UMAD1: variants seen among roughly 807,000 people sequenced by gnomAD.
The protein encoded by UMAD1 is UBAP1-MVB12-associated (UMA) domain containing 1, also known as UBAP1-MVB12-associated (UMA)-domain containing protein 1.
UMAD1 carries 8 observed loss-of-function variants against 6.1 expected under a neutral mutation model. The observed-to-expected ratio is 1.30, with a 90% confidence interval of 0.76 to 2.35. The LOEUF is 2.35. UMAD1 is among the 30% of genes most tolerant of loss of function. The pLI is 0.00. For missense variants in UMAD1, 130 were observed against 78.4 expected, an observed-to-expected ratio of 1.66 and a Z score of -2.49; for synonymous variants, 56 against 31.4, an observed-to-expected ratio of 1.78 and a Z score of -2.61.
At chr7:7,775,169 G>T (rs1227760949) in intron 2 of UMAD1, among the ~76,000 whole-genome samples, 1 of 152,142 alleles carries the variant, frequency 6.6e-6, no homozygotes, top group Admixed American at 6.5e-5. Flanking sequence ...TATGGCTTCT[G>T]TCTGTTCAAA....
intron 2 of UMAD1, among the ~76,000 whole-genome samples, chr7:7,724,711 C>G (rs559314173): frequency 1.3e-5 from 2 of 152,218 alleles, no homozygotes; most frequent in African/African-American, 4.8e-5. Flanking sequence ...ATTGCAGCTG[C>G]TATACCAGAT....
intron 3 of UMAD1, among the ~76,000 whole-genome samples, chr7:7,817,598 T>C (rs543650434): frequency 1.3e-5 from 2 of 152,348 alleles, no homozygotes; most frequent in Admixed American, 6.5e-5. Flanking sequence ...AGCTGAATGA[T>C]GATTCTAATT....
intron 3 of UMAD1, among the ~76,000 whole-genome samples, chr7:7,823,363 A>G (rs1486345750): frequency 6.6e-6 from 1 of 152,144 alleles, no homozygotes; most frequent in African/African-American, 2.4e-5. Flanking sequence ...ATTTTTTAGT[A>G]TGTTTGTCTT....
At chr7:7,735,534 C>A (rs12154244) in intron 2 of UMAD1, among the ~76,000 whole-genome samples, 1 of 151,732 alleles carries the variant, frequency 6.6e-6, no homozygotes, top group Non-Finnish European at 1.5e-5. Context: ...CTCAGCCTCC[C>A]GAGTAGCTGG....
At chr7:7,710,744 T>C (rs1487893412) in intron 2 of UMAD1, among the ~76,000 whole-genome samples, 3 of 152,190 alleles carry the variant, frequency 2.0e-5, no homozygotes, top group Non-Finnish European at 4.4e-5. Context: ...AAACTGAGTA[T>C]TTATAGCAAT....
chr7:7,652,232 C>A (rs1785239214), intron 1 of UMAD1, among the ~76,000 whole-genome samples: 2 of 152,172 alleles, frequency 1.3e-5, no homozygotes, highest in Admixed American at 6.5e-5. Flanking sequence ...GCCATTTATT[C>A]ATTCCTTTGA....
chr7:7,803,711 T>C (rs1234038010), intron 3 of UMAD1, among the ~76,000 whole-genome samples: 1 of 151,992 alleles, frequency 6.6e-6, no homozygotes, highest in African/African-American at 2.4e-5. Flanking sequence ...TTTTTTTTTT[T>C]GGTTTGCACT....
At position 7,716,949 on chromosome 7, in the gene UMAD1, C is replaced by T. The variant is rs552999957; in HGVS notation, c.82+43496C>T. 8.5e-5 allele frequency among the ~76,000 whole-genome samples: 13 copies of T among 152,258 alleles called. 1 individual carries two copies. The highest frequency in any genetic ancestry group is 3.1e-4 in the African/African-American group (13 of 41,546). ...GCCCTATGTAAATCAGACACCGCCT[C>T]CTATAAAACCAACCTCTTCTTGCCC... On this transcript the variant is annotated intron_variant, in intron 2 of 3. Transcript: ENST00000682710.
intron 3 of UMAD1, among the ~76,000 whole-genome samples, chr7:7,840,765 G>A (rs139209446): frequency 6.6e-6 from 1 of 152,150 alleles, no homozygotes; most frequent in Non-Finnish European, 1.5e-5. Flanking sequence ...CTTCACAGAA[G>A]GTTAAAAAGC....
intron 2 of UMAD1, among the ~76,000 whole-genome samples, chr7:7,711,110 G>A (rs965436333): frequency 9.9e-5 from 15 of 152,202 alleles, no homozygotes; most frequent in African/African-American, 3.4e-4. Context: ...TTATGGAGAT[G>A]TTCTGTATCT....
At chr7:7,870,432 G>T (rs1288980896) in intron 3 of UMAD1, among the ~76,000 whole-genome samples, 1 of 152,106 alleles carries the variant, frequency 6.6e-6, no homozygotes, top group Non-Finnish European at 1.5e-5. Context: ...CTGAAATTTG[G>T]CTATTAACCA....
At chr7:7,824,995 T>A (rs1417971206) in intron 3 of UMAD1, among the ~76,000 whole-genome samples, 6 of 152,022 alleles carry the variant, frequency 3.9e-5, no homozygotes, top group Non-Finnish European at 8.8e-5. Flanking sequence ...TATAGAGGGG[T>A]GGTCATGGGT....
chr7:7,680,983 CT>C (rs534225087), intron 2 of UMAD1, among the ~76,000 whole-genome samples: 1 of 151,938 alleles, frequency 6.6e-6, no homozygotes, highest in East Asian at 1.9e-4. Context: ...ATCCACATAA[CT>C]TTTTTTGTGG....
At chr7:7,647,606 A>G (rs763987390) in intron 1 of UMAD1, among the ~76,000 whole-genome samples, 2 of 152,090 alleles carry the variant, frequency 1.3e-5, no homozygotes, top group Non-Finnish European at 2.9e-5. Context: ...GACTTTTGCT[A>G]TATATATACA....
chr7:7,794,403 G>T (rs1782629363), intron 2 of UMAD1, among the ~76,000 whole-genome samples: 1 of 152,072 alleles, frequency 6.6e-6, no homozygotes, highest in African/African-American at 2.4e-5. Flanking sequence ...GGAGCAAAAG[G>T]GCGTCCTAAT....
intron 3 of UMAD1, among the ~76,000 whole-genome samples, chr7:7,806,479 C>T (rs1275165697): frequency 1.3e-5 from 2 of 152,200 alleles, no homozygotes; most frequent in African/African-American, 4.8e-5. Flanking sequence ...CAGCAACTAT[C>T]ACACTGTTAG....
intron 3 of UMAD1, among the ~76,000 whole-genome samples, chr7:7,840,086 C>T (rs1371501900): frequency 6.6e-6 from 1 of 152,032 alleles, no homozygotes; most frequent in Non-Finnish European, 1.5e-5. Context: ...CTAGACAGTG[C>T]AAAAATGGAC....
Position 7,841,261 on chromosome 7 carries a change from C to T in UMAD1, c.157-36020C>T, listed in dbSNP as rs117676344. Reference sequence around the variant, plus strand: ...TTTAGTGACTCCCGAAGATGTGGTTCCACTGAAGAATGCAAGGAATTATAG... The same window carrying T: ...TTTAGTGACTCCCGAAGATGTGGTTTCACTGAAGAATGCAAGGAATTATAG... On this transcript the variant is annotated intron_variant, in intron 3 of 3. Transcript: ENST00000682710. Among the ~76,000 whole-genome samples, 7 of 151,758 alleles carry T rather than the reference C, an allele frequency of 4.6e-5. No individual in the cohort carries two copies. In the East Asian group the frequency reaches 1.4e-3, roughly 29 times the overall value.
intron 3 of UMAD1, among the ~76,000 whole-genome samples, chr7:7,851,046 C>T (rs1002232848): frequency 4.6e-5 from 7 of 152,022 alleles, no homozygotes; most frequent in Admixed American, 2.0e-4. Flanking sequence ...TTTACTTGAA[C>T]ATGTAGCTTT....
Sources: gnomAD v4.1 joint callset for allele counts (sites outside exome capture counted in the v4.1 genomes callset) on GRCh38, gnomAD v4.1.1 for gene constraint, MANE v1.5 for transcripts, NCBI Gene and HGNC (gene_info 2026-07-23, HGNC 2026-07-21) for gene names.